TSGA10: variants seen among roughly 807,000 people sequenced by gnomAD.
TSGA10 encodes testis-specific gene 10 protein.
TSGA10 carries 43 observed loss-of-function variants against 96.6 expected under a neutral mutation model. The ratio of observed to expected loss-of-function variants is 0.44; its 90% CI spans 0.35 to 0.57. TSGA10 has a LOEUF of 0.57. Among genes scored for constraint, TSGA10 ranks in the 20% least tolerant of loss-of-function variants. The probability of loss-of-function intolerance (pLI) is 0.01; values close to 1 mark genes in which losing one functional copy is unlikely to be tolerated. For missense variants in TSGA10, 703 were observed against 834.4 expected (o/e 0.84, Z 1.94); for synonymous variants, 229 against 269.9 (o/e 0.85, Z 1.48).
In TSGA10 at chr2:99,089,621, G is replaced by A. The variant is rs139294845; in HGVS notation, c.612-8224C>T. Among the ~76,000 whole-genome samples, 1,001 of 152,228 alleles carry A rather than the reference G, an allele frequency of 6.6e-3. 12 individuals carry two copies. Among genetic ancestry groups the A allele is most frequent in the African/African-American group, 0.023 (969 of 41,528 alleles). ...TTGGGTTGCATGGGAGCTGGGTGAGGCCTGTAATTGCTGGCTTTCCCCCAC... is the reference window on the plus strand; with the variant it reads ...TTGGGTTGCATGGGAGCTGGGTGAGACCTGTAATTGCTGGCTTTCCCCCAC... On this transcript the variant is annotated intron_variant, in intron 10 of 20. Coordinates refer to ENST00000393483, the MANE Select transcript of TSGA10 (RefSeq NM_025244.4).
In TSGA10 at chr2:99,068,948, T is replaced by C; in HGVS notation, c.1158A>G (p.Lys386=). The C allele has an allele frequency of 6.8e-7, 1 of 1,479,630 alleles. No individual in the cohort carries two copies. The highest frequency in any genetic ancestry group is 8.9e-7 in the Non-Finnish European group (1 of 1,120,306). The allele number at this position is 1,479,630 out of a possible 1,614,324, so 91.7% of individuals were successfully genotyped here. A position where few individuals can be genotyped will look rare whatever the true frequency, so the allele number is the denominator to read the frequency against. ...NDTHNELNDI[K]QKVQDTNLEV... The stretch of plus-strand genomic sequence containing the variant: ...CCAAATTAGTATCTTGAACCTTCTG[T>C]TTTATGTCATTAAGTTCATTATGAG... Residue 386 remains lysine, a synonymous_variant, in exon 15 of 21, where the codon AAA becomes AAG. Coordinates refer to ENST00000393483, the MANE Select transcript of TSGA10 (RefSeq NM_025244.4).
chr2:99,127,721 A>G (rs975681337), intron 1 of TSGA10, among the ~76,000 whole-genome samples: 1 of 151,994 alleles, frequency 6.6e-6, no homozygotes, highest in African/African-American at 2.4e-5. Flanking sequence ...ACACTGAGAT[A>G]CCCCCTTTTA....
rs1435840659 is a variant in TSGA10, at chr2:99,109,429, C to T, written c.11G>A (p.Ser4Asn). Reference sequence around the variant, plus strand: ...TGGGCGTCTTGGACTTTTAGACCTACTTCGCATCATCTTTCTCAAATGTTG... The same window carrying T: ...TGGGCGTCTTGGACTTTTAGACCTATTTCGCATCATCTTTCTCAAATGTTG... MMR[S>N]RSKSPRRPSP... Residue 4 changes from serine (S) to asparagine (N), a missense_variant, in exon 6 of 21, where the codon AGT becomes AAT. By Grantham distance (46) the Ser-to-Asn change is conservative. Around this residue, in one of 3 missense-constraint regions of TSGA10, gnomAD observed 585 missense variants for 656.8 expected, o/e 0.89. Coordinates refer to ENST00000393483, the MANE Select transcript of TSGA10 (RefSeq NM_025244.4). 2.5e-6 allele frequency: 4 copies of T among 1,613,892 alleles called. No homozygotes were observed. Among genetic ancestry groups the T allele is most frequent in the Non-Finnish European group, 3.4e-6 (4 of 1,179,898 alleles).
chr2:99,087,170 C>T (rs553655184), intron 10 of TSGA10, among the ~76,000 whole-genome samples: 1 of 151,734 alleles, frequency 6.6e-6, no homozygotes, highest in African/African-American at 2.4e-5. Flanking sequence ...TGCCACTGCA[C>T]TCCAGCCTGG....
chr2:99,045,970 CAAA>C (rs2082730171), intron 16 of TSGA10, among the ~76,000 whole-genome samples: 1 of 152,012 alleles, frequency 6.6e-6, no homozygotes, highest in Non-Finnish European at 1.5e-5. Context: ...TCAAAAGAGA[CAAA>C]GAAGGCCATT....
intron 4 of TSGA10, among the ~76,000 whole-genome samples, chr2:99,113,691 GC>G (rs1339150583): frequency 6.6e-6 from 1 of 152,064 alleles, no homozygotes; most frequent in African/African-American, 2.4e-5. Flanking sequence ...GATTACAGGT[GC>G]CCACCACCAT....
intron 1 of TSGA10, among the ~76,000 whole-genome samples, chr2:99,140,570 T>C (rs1418059812): frequency 6.6e-6 from 1 of 152,232 alleles, no homozygotes; most frequent in East Asian, 1.9e-4. Flanking sequence ...AAGTCTCAAA[T>C]AGTTTTTCAA....
At chr2:99,032,023 G>C (rs1355604662) in intron 17 of TSGA10, among the ~76,000 whole-genome samples, 1 of 152,142 alleles carries the variant, frequency 6.6e-6, no homozygotes, top group Non-Finnish European at 1.5e-5. Context: ...CTATTGCTGA[G>C]TGGCAAGTGA....
At position 99,059,049 on chromosome 2, in the gene TSGA10, A is replaced by AATAT. The variant is rs58675400; in HGVS notation, c.1404+5886_1404+5889dup. Among the ~76,000 whole-genome samples the AATAT allele has an allele frequency of 9.8e-4, 134 of 136,386 alleles. 1 individual carries two copies. The highest frequency in any genetic ancestry group is 2.3e-3 in the Admixed American group (31 of 13,336). 89.5% of individuals were successfully genotyped at this position (136,386 alleles called of 152,430 possible). ...AGACTCTGTCTCAAAAAAAAAAAATAATATATATATATATATATATTTATA... is the reference window on the plus strand; with the variant it reads ...AGACTCTGTCTCAAAAAAAAAAAATAATATATATATATATATATATATATTTATA... On this transcript the variant is annotated intron_variant, in intron 16 of 20. Transcript: ENST00000393483.
intron 12 of TSGA10, among the ~76,000 whole-genome samples, chr2:99,073,649 T>C (rs1340954500): frequency 2.0e-5 from 3 of 152,224 alleles, no homozygotes; most frequent in Non-Finnish European, 1.5e-5. Flanking sequence ...AAGGTAAGCA[T>C]TAGGCCTCGA....
chr2:99,143,634 C>CTAATTTTTGTA (rs2093601463), intron 1 of TSGA10, among the ~76,000 whole-genome samples: 1 of 151,762 alleles, frequency 6.6e-6, no homozygotes, highest in Non-Finnish European at 1.5e-5. Flanking sequence ...CCATGCCCAG[C>CTAATTTTTGTA]TAATTTTTGT....
Position 99,114,316 on chromosome 2 carries a change from A to C in TSGA10, c.-140+3228T>G, listed in dbSNP as rs528863060. Among the ~76,000 whole-genome samples the C allele has an allele frequency of 2.0e-5, 3 of 152,316 alleles. No individual in the cohort carries two copies. The South Asian group carries it at 6.2e-4, about 32-fold the overall frequency. ...ATATCTAATGTCTTAGGATGATGAC[A>C]ACACACACTGGAGTTCATATCCCCA... is the stretch of plus-strand genomic sequence containing the variant. On this transcript the variant is annotated intron_variant, in intron 4 of 20. Coordinates refer to ENST00000393483, the MANE Select transcript of TSGA10 (RefSeq NM_025244.4).
chr2:99,123,836 A>G (rs142155133), intron 2 of TSGA10, among the ~76,000 whole-genome samples: 1 of 152,332 alleles, frequency 6.6e-6, no homozygotes, highest in Non-Finnish European at 1.5e-5. Context: ...AATCTGAGTT[A>G]TATTCCATTG....
chr2:99,011,943 A>T (rs2079043783), intron 20 of TSGA10, among the ~76,000 whole-genome samples: 1 of 152,190 alleles, frequency 6.6e-6, no homozygotes, highest in South Asian at 2.1e-4. Context: ...AGACAAAAGC[A>T]TCAAGATAAA....
chr2:99,122,404 C>T (rs1409333268), intron 2 of TSGA10, among the ~76,000 whole-genome samples: 1 of 151,766 alleles, frequency 6.6e-6, no homozygotes, highest in African/African-American at 2.4e-5. Context: ...TTTACTCTCC[C>T]CTATTAATAA....
At chr2:99,048,920 AG>A (rs1252589659) in intron 16 of TSGA10, among the ~76,000 whole-genome samples, 22 of 152,344 alleles carry the variant, frequency 1.4e-4, no homozygotes, top group Middle Eastern at 6.8e-3. Context: ...AAGTGGGCAA[AG>A]GATATGAACA....
At chr2:99,063,013 C>T (rs1340563424) in intron 16 of TSGA10, among the ~76,000 whole-genome samples, 1 of 152,090 alleles carries the variant, frequency 6.6e-6, no homozygotes, top group Admixed American at 6.5e-5. Flanking sequence ...TATCAAGACT[C>T]AACATAAAAT....
At chr2:99,144,649 C>CAAAAAAAAAAAAAAA (rs70940140) in intron 1 of TSGA10, among the ~76,000 whole-genome samples, 15 of 52,260 alleles carry the variant, frequency 2.9e-4, no homozygotes, top group East Asian at 8.3e-4. Context: ...AACTCTGTCT[C>CAAAAAAAAAAAAAAA]AAAAAAAAAA....
chr2:99,113,745 T>C (rs1312290167), intron 4 of TSGA10, among the ~76,000 whole-genome samples: 1 of 151,520 alleles, frequency 6.6e-6, no homozygotes, highest in Admixed American at 6.6e-5. Flanking sequence ...CCGGGTTTCA[T>C]CATATTGGTC....
Sources: allele counts gnomAD v4.1 joint callset (sites outside exome capture counted in the v4.1 genomes callset), GRCh38; gene constraint gnomAD v4.1.1; regional missense constraint gnomAD v4.1.1; transcripts MANE v1.5; gene names NCBI Gene and HGNC (gene_info 2026-07-23, HGNC 2026-07-21).